ANO2: variants seen among roughly 807,000 people sequenced by gnomAD.
The protein encoded by ANO2 is anoctamin 2, also known as anoctamin-2.
In ANO2, 101 loss-of-function variants were observed where a neutral mutation model predicts 124.2. The ratio of observed to expected loss-of-function variants is 0.81; its 90% CI spans 0.69 to 0.96. The LOEUF (loss-of-function observed/expected upper bound fraction) is 0.96. ANO2 is among the 40% of genes least tolerant of loss of function. The probability of loss-of-function intolerance (pLI) is 0.00; values close to 1 mark genes in which losing one functional copy is unlikely to be tolerated. For synonymous variants in ANO2, 486 were observed against 482.5 expected (o/e 1.01, Z -0.09); for missense variants, 1,293 against 1,274.5 (o/e 1.01, Z -0.22).
intron 3 of ANO2, among the ~76,000 whole-genome samples, chr12:5,903,574 T>C (rs1044857278): frequency 6.6e-6 from 1 of 152,060 alleles, no homozygotes; most frequent in African/African-American, 2.4e-5. Context: ...AGAACCTTCT[T>C]CTTCAAGAAA....
intron 7 of ANO2, among the ~76,000 whole-genome samples, chr12:5,811,312 T>G (rs1246436819): frequency 6.6e-6 from 1 of 152,218 alleles, no homozygotes; most frequent in East Asian, 1.9e-4. Flanking sequence ...GAGACTATAT[T>G]TACCCATCAC....
At chr12:5,712,521 C>A (rs1303833703) in intron 14 of ANO2, among the ~76,000 whole-genome samples, 1 of 152,176 alleles carries the variant, frequency 6.6e-6, no homozygotes, top group African/African-American at 2.4e-5. Context: ...AAGATGGATT[C>A]TCTCCTAGAG....
At chr12:5,817,140 C>T (rs759642775) in intron 7 of ANO2, among the ~76,000 whole-genome samples, 5 of 152,194 alleles carry the variant, frequency 3.3e-5, no homozygotes, top group Non-Finnish European at 4.4e-5. Flanking sequence ...CTTCCAACAA[C>T]CTGGGGATTG....
chr12:5,915,791 C>T (rs1237507254), intron 3 of ANO2, among the ~76,000 whole-genome samples: 1 of 152,204 alleles, frequency 6.6e-6, no homozygotes, highest in Non-Finnish European at 1.5e-5. Context: ...TGATGAATCT[C>T]CAAGCACAGT....
At chr12:5,734,264 C>T (rs1373788934) in intron 13 of ANO2, among the ~76,000 whole-genome samples, 2 of 152,196 alleles carry the variant, frequency 1.3e-5, no homozygotes, top group African/African-American at 4.8e-5. Flanking sequence ...GCAACTTTTG[C>T]CTGTAACAAT....
At chr12:5,670,503 T>C (rs1336933493) in intron 14 of ANO2, among the ~76,000 whole-genome samples, 1 of 152,202 alleles carries the variant, frequency 6.6e-6, no homozygotes, top group South Asian at 2.1e-4. Flanking sequence ...TATTATTTCA[T>C]GTTTTTGAAA....
At chr12:5,684,095 A>G (rs1948608504) in intron 14 of ANO2, among the ~76,000 whole-genome samples, 1 of 152,148 alleles carries the variant, frequency 6.6e-6, no homozygotes, top group Non-Finnish European at 1.5e-5. Flanking sequence ...AGGCATAGGC[A>G]GGCCAAGTAT....
chr12:5,874,039 G>A (rs1226842983), intron 3 of ANO2, among the ~76,000 whole-genome samples: 1 of 152,198 alleles, frequency 6.6e-6, no homozygotes, highest in Non-Finnish European at 1.5e-5. Context: ...ACACATCTGT[G>A]GAGTCCTCAG....
intron 3 of ANO2, among the ~76,000 whole-genome samples, chr12:5,858,211 G>C (rs1955164046): frequency 6.6e-6 from 1 of 152,296 alleles, no homozygotes; most frequent in African/African-American, 2.4e-5. Context: ...TGATATATTA[G>C]GGGTGACAGA....
chr12:5,762,125 T>G (rs1218803515), intron 10 of ANO2, among the ~76,000 whole-genome samples: 7 of 152,082 alleles, frequency 4.6e-5, no homozygotes, highest in African/African-American at 1.4e-4. Context: ...CTCAAATCTC[T>G]TCGGTAACTA....
chr12:5,884,429 T>C (rs1476670773), intron 3 of ANO2, among the ~76,000 whole-genome samples: 3 of 152,222 alleles, frequency 2.0e-5, no homozygotes, highest in Non-Finnish European at 4.4e-5. Flanking sequence ...CTGCTATACC[T>C]GCAAATCACT....
chr12:5,688,286 G>A (rs74583458), intron 14 of ANO2, among the ~76,000 whole-genome samples: 2,826 of 152,312 alleles, frequency 0.019, 98 homozygotes, highest in African/African-American at 0.062. Context: ...AGGGAAGGAA[G>A]CCTGGCCTGA....
Position 5,654,907 on chromosome 12 carries a change from A to G in ANO2, c.1546-7106T>C, listed in dbSNP as rs76042479. Among the ~76,000 whole-genome samples, 6 of 152,304 alleles carry G rather than the reference A, an allele frequency of 3.9e-5. No homozygotes were observed. The East Asian group carries it at 1.2e-3, about 29-fold the overall frequency. Reference sequence around the variant, plus strand: ...AATCAGAGCAGCCATCCCACTTCTCAATAAGATAAGGGATCCTGAGTGCCA... The same window carrying G: ...AATCAGAGCAGCCATCCCACTTCTCGATAAGATAAGGGATCCTGAGTGCCA... On this transcript the variant is annotated intron_variant, in intron 14 of 24. Transcript: ENST00000682330.
At chr12:5,594,844 A>G (rs2136874202) in intron 20 of ANO2, among the ~76,000 whole-genome samples, 1 of 152,158 alleles carries the variant, frequency 6.6e-6, no homozygotes, top group East Asian at 1.9e-4. Context: ...TGTCAAAACA[A>G]AACAACAACA....
chr12:5,844,042 G>C (rs553657385), intron 4 of ANO2, among the ~76,000 whole-genome samples: 1 of 152,130 alleles, frequency 6.6e-6, no homozygotes, highest in African/African-American at 2.4e-5. Context: ...ATATCAGCTC[G>C]GGCTGAAGGA....
chr12:5,687,166 G>T (rs1464327065), intron 14 of ANO2, among the ~76,000 whole-genome samples: 2 of 152,200 alleles, frequency 1.3e-5, no homozygotes, highest in East Asian at 3.8e-4. Flanking sequence ...AGTTAAGCTA[G>T]GTTACCAAAT....
At chr12:5,683,956 G>T (rs143641671) in intron 14 of ANO2, among the ~76,000 whole-genome samples, 1 of 152,088 alleles carries the variant, frequency 6.6e-6, no homozygotes, top group Non-Finnish European at 1.5e-5. Context: ...TACTCCATTT[G>T]GGTCCTTCCT....
chr12:5,581,996 A>T (rs1027320181), intron 20 of ANO2, among the ~76,000 whole-genome samples: 4 of 152,198 alleles, frequency 2.6e-5, no homozygotes, highest in Non-Finnish European at 4.4e-5. Flanking sequence ...GCAAATTCCA[A>T]ATCCAAGACT....
At chr12:5,880,090 C>T (rs1225769936) in intron 3 of ANO2, among the ~76,000 whole-genome samples, 1 of 152,134 alleles carries the variant, frequency 6.6e-6, no homozygotes, top group African/African-American at 2.4e-5. Context: ...TCCACCAGAA[C>T]ACGAGAGGAG....
Sources: gnomAD v4.1 joint callset for allele counts (sites outside exome capture counted in the v4.1 genomes callset) on GRCh38, gnomAD v4.1.1 for gene constraint, MANE v1.5 for transcripts, NCBI Gene and HGNC (gene_info 2026-07-23, HGNC 2026-07-21) for gene names.